RIMS1: variants seen among roughly 807,000 people sequenced by gnomAD.
The protein encoded by RIMS1 is regulating synaptic membrane exocytosis 1.
A neutral mutation model predicts 214.1 loss-of-function variants in RIMS1; 83 were observed. The observed-to-expected ratio is 0.39, with a 90% CI of 0.32 to 0.47. The LOEUF is 0.47. RIMS1 is among the 20% of genes least tolerant of loss of function. RIMS1 has a pLI of 0.99. For missense variants in RIMS1, 2,050 were observed against 2,161.8 expected, an observed-to-expected ratio of 0.95 and a Z score of 1.03; for synonymous variants, 793 against 786.8, an observed-to-expected ratio of 1.01 and a Z score of -0.13.
intron 6 of RIMS1, among the ~76,000 whole-genome samples, chr6:72,209,742 A>G (rs945894570): frequency 1.3e-5 from 2 of 152,062 alleles, no homozygotes; most frequent in African/African-American, 2.4e-5. Flanking sequence ...TCTACTAAAA[A>G]TACAAAAAAT....
intron 4 of RIMS1, among the ~76,000 whole-genome samples, chr6:72,154,264 T>C (rs1562446829): frequency 7.8e-6 from 1 of 128,142 alleles, no homozygotes; most frequent in African/African-American, 2.5e-5. Context: ...GCTCCTTCTA[T>C]GAAGGACTAT....
rs186375963 is a variant in RIMS1, at chr6:72,111,527, C to G, written c.471+11541C>G. 2.5e-3 allele frequency among the ~76,000 whole-genome samples: 386 copies of G among 152,262 alleles called. 9 individuals carry two copies. The highest frequency in any genetic ancestry group is 0.021 in the Admixed American group (314 of 15,272). On this transcript the variant is annotated intron_variant, in intron 4 of 33. Coordinates refer to ENST00000521978, the MANE Select transcript of RIMS1 (RefSeq NM_014989.7). ...TTGTAATACTGTATAATATGGCTGT[C>G]TCTTAGAGAAACATTTGCTCTGATT...
chr6:72,357,671 T>A (rs2097690041), intron 29 of RIMS1, among the ~76,000 whole-genome samples: 2 of 152,196 alleles, frequency 1.3e-5, no homozygotes, highest in South Asian at 4.1e-4. Context: ...TTCTGTAACT[T>A]GTTTTTCACA....
intron 2 of RIMS1, among the ~76,000 whole-genome samples, chr6:71,981,350 T>G (rs1269615863): frequency 1.3e-5 from 2 of 152,166 alleles, no homozygotes; most frequent in African/African-American, 4.8e-5. Flanking sequence ...CACATTCATT[T>G]ACCCACTAAC....
intron 1 of RIMS1, among the ~76,000 whole-genome samples, chr6:71,888,906 C>T (rs1166733840): frequency 6.6e-6 from 1 of 152,188 alleles, no homozygotes; most frequent in Non-Finnish European, 1.5e-5. Flanking sequence ...AATGACGTCC[C>T]TGGTGCTGCA....
At chr6:72,226,545 A>T (rs1360885180) in intron 6 of RIMS1, among the ~76,000 whole-genome samples, 2 of 152,068 alleles carry the variant, frequency 1.3e-5, no homozygotes, top group African/African-American at 4.8e-5. Context: ...TTTTTAAAGG[A>T]ATATAAACTA....
At chr6:72,353,187 G>A (rs2097523461) in intron 29 of RIMS1, among the ~76,000 whole-genome samples, 1 of 151,822 alleles carries the variant, frequency 6.6e-6, no homozygotes. Context: ...GTTTCACCAT[G>A]TTGGTCAGGC....
intron 2 of RIMS1, among the ~76,000 whole-genome samples, chr6:72,072,539 A>G (rs988236801): frequency 6.6e-6 from 1 of 152,202 alleles, no homozygotes; most frequent in Admixed American, 6.5e-5. Flanking sequence ...AGGAACAAGT[A>G]TCAGTTAGGA....
At chr6:72,260,301 A>G (rs939200246) in intron 18 of RIMS1, among the ~76,000 whole-genome samples, 8 of 152,170 alleles carry the variant, frequency 5.3e-5, no homozygotes, top group East Asian at 1.9e-4. Flanking sequence ...CAAGAAAACT[A>G]TCACGCTTTA....
At chr6:72,338,286 A>G (rs544118822) in intron 29 of RIMS1, among the ~76,000 whole-genome samples, 1 of 152,040 alleles carries the variant, frequency 6.6e-6, no homozygotes, top group African/African-American at 2.4e-5. Flanking sequence ...CACCATTTTA[A>G]CTGGTGTAAG....
chr6:72,384,540 A>G (rs1313065625), intron 29 of RIMS1, among the ~76,000 whole-genome samples: 1 of 152,048 alleles, frequency 6.6e-6, no homozygotes, highest in Non-Finnish European at 1.5e-5. Context: ...GTACCATTGC[A>G]CTTACTGCTT....
chr6:72,202,488 G>A (rs2052172803), intron 6 of RIMS1, among the ~76,000 whole-genome samples: 1 of 152,164 alleles, frequency 6.6e-6, no homozygotes, highest in African/African-American at 2.4e-5. Flanking sequence ...CTCCCTAATG[G>A]CCTCATTTTG....
chr6:72,060,815 G>T (rs753662813), intron 2 of RIMS1, among the ~76,000 whole-genome samples: 2 of 152,098 alleles, frequency 1.3e-5, no homozygotes, highest in African/African-American at 2.4e-5. Context: ...GAAATTATGT[G>T]TGACCAAGGC....
At chr6:71,910,055 G>A (rs1776425745) in intron 1 of RIMS1, among the ~76,000 whole-genome samples, 2 of 152,088 alleles carry the variant, frequency 1.3e-5, no homozygotes, top group African/African-American at 4.8e-5. Context: ...AGGTAGCAGG[G>A]AAAAGTTAAC....
Position 72,274,441 on chromosome 6 carries a change from C to T in RIMS1, c.3482+9C>T. ...TCTCCGGAGAATGACAGGTACTAGT[C>T]AACTCCTCCTCACAGACAAGTGGCT... On this transcript the variant is annotated intron_variant, in intron 23 of 33. Transcript: ENST00000521978. The T allele has an allele frequency of 6.2e-7, 1 of 1,604,878 alleles. No homozygotes were observed. Among genetic ancestry groups the T allele is most frequent in the African/African-American group, 1.3e-5 (1 of 74,878 alleles).
rs181457021 is a variant in RIMS1, at chr6:72,211,910, A to G, written c.1679-21863A>G. ...ACTTAGGAATTTCATTTCCAGGATAAACCAGTCTTGGTAATACTCCATGTC... is the reference window on the plus strand; with the variant it reads ...ACTTAGGAATTTCATTTCCAGGATAGACCAGTCTTGGTAATACTCCATGTC... On this transcript the variant is annotated intron_variant, in intron 6 of 33. Transcript: ENST00000521978. Among the ~76,000 whole-genome samples, 439 of 152,240 alleles carry G rather than the reference A, an allele frequency of 2.9e-3. 3 individuals carry two copies. Among genetic ancestry groups the G allele is most frequent in the African/African-American group, 0.01 (426 of 41,582 alleles).
chr6:72,216,760 G>A (rs1265546073), intron 6 of RIMS1: 1 of 986,852 alleles, frequency 1.0e-6, no homozygotes, highest in Non-Finnish European at 1.2e-6. Flanking sequence ...CTTTTCTTCT[G>A]TGTTAGCTTT....
chr6:72,277,751 A>G (rs1163106223), intron 23 of RIMS1, among the ~76,000 whole-genome samples: 1 of 152,174 alleles, frequency 6.6e-6, no homozygotes, highest in Admixed American at 6.5e-5. Flanking sequence ...TCATCATTCC[A>G]ATAACAAAGC....
chr6:72,075,266 A>G (rs1002986609), intron 2 of RIMS1, among the ~76,000 whole-genome samples: 1 of 152,004 alleles, frequency 6.6e-6, no homozygotes. Context: ...AACAAAACAA[A>G]ACAAAACAAA....
Sources: gnomAD v4.1 joint callset for allele counts (sites outside exome capture counted in the v4.1 genomes callset) on GRCh38, gnomAD v4.1.1 for gene constraint, MANE v1.5 for transcripts, NCBI Gene and HGNC (gene_info 2026-07-23, HGNC 2026-07-21) for gene names.